Variants in UROD observed in about 807,000 individuals in gnomAD.
UROD encodes the protein uroporphyrinogen decarboxylase.
UROD carries 34 observed loss-of-function variants against 47.1 expected under a neutral mutation model. That is an observed-to-expected ratio of 0.72 (90% CI 0.55 to 0.96). The LOEUF (loss-of-function observed/expected upper bound fraction) is 0.96. Among genes scored for constraint, UROD ranks in the 40% least tolerant of loss-of-function variants. The pLI, the probability that UROD is intolerant of heterozygous loss-of-function variation, is 0.00. For missense variants in UROD, 381 were observed against 471.8 expected (o/e 0.81, Z 1.78); for synonymous variants, 148 against 175.8 (o/e 0.84, Z 1.25).
At chr1:45,014,882 G>A (rs1473027265) in intron 8 of UROD, 46 bp downstream of exon 8, 1 of 1,614,198 alleles carries the variant, frequency 6.2e-7, no homozygotes. Flanking sequence ...TGGGGGTGTT[G>A]GCTGGGGGAG....
In UROD at chr1:45,014,886, G is replaced by T. The variant is rs758967174; in HGVS notation, c.875+50G>T. On this transcript the variant is annotated intron_variant, in intron 8 of 9. Coordinates refer to ENST00000246337, the MANE Select transcript of UROD (RefSeq NM_000374.5). ...TGAGGTTGAGGTGGGGGTGTTGGCT[G>T]GGGGAGCTGCCATGTATGCAGTTAC... The T allele has an allele frequency of 1.9e-6, 3 of 1,614,162 alleles. No homozygotes were observed. The East Asian group carries it at 6.7e-5, about 36-fold the overall frequency.
chr1:45,013,465 A>G lies in UROD; in HGVS notation c.276+111A>G. 6.2e-7 allele frequency: 1 copy of G among 1,605,636 alleles called. No individual in the cohort carries two copies. The highest frequency in any genetic ancestry group is 8.5e-7 in the Non-Finnish European group (1 of 1,172,734). On this transcript the variant is annotated intron_variant, in intron 4 of 9. Coordinates refer to ENST00000246337, the MANE Select transcript of UROD (RefSeq NM_000374.5). The surrounding 1 kb of genome is among the most constrained non-coding windows in gnomAD (Gnocchi z 4.2). ...ACTTATCCTAACTGGATCGAGGGAAAAACTAAGGTTGAAAGAAATGGAGTT... is the reference window on the plus strand; with the variant it reads ...ACTTATCCTAACTGGATCGAGGGAAGAACTAAGGTTGAAAGAAATGGAGTT...
At chr1:45,015,175 A>C in intron 9 of UROD, 162 bp from the exon 10 acceptor site, 1 of 1,417,824 alleles carries the variant, frequency 7.1e-7, no homozygotes, top group Non-Finnish European at 9.7e-7. Flanking sequence ...ATTTGTGTTT[A>C]TGCTTCATGC....
intron 7 of UROD, 68 bp downstream of exon 7, chr1:45,014,644 G>C (rs914520533): frequency 7.4e-6 from 12 of 1,613,408 alleles, no homozygotes; most frequent in East Asian, 4.5e-5. Flanking sequence ...TGCATGGACT[G>C]GAGTGACCAC....
intron 1 of UROD, 25 bp downstream of exon 1, chr1:45,012,310 T>A (rs1481598769): frequency 1.9e-6 from 3 of 1,614,124 alleles, no homozygotes; most frequent in Non-Finnish European, 2.5e-6. Context: ...GCACGCGGTG[T>A]GGCTAGCCGG....
chr1:45,013,201 G>T lies in UROD; in HGVS notation c.199G>T (p.Glu67Ter), dbSNP rs763086647. 7.4e-6 allele frequency: 12 copies of T among 1,614,194 alleles called. No homozygotes were observed. In the Admixed American group the frequency reaches 2.0e-4, roughly 27 times the overall value. ...STCRSPEACCELTLQPLRRFP... is the reference protein window; with the variant it reads ...STCRSPEACC Reference sequence around the variant, plus strand: ...GTGTCGCTCTCCTGAGGCCTGCTGTGAACTGACTCTGCAGGTGAGGGGTCC... The same window carrying T: ...GTGTCGCTCTCCTGAGGCCTGCTGTTAACTGACTCTGCAGGTGAGGGGTCC... Residue 67 changes from glutamate to a stop codon, truncating the protein, a stop_gained, in exon 3 of 10, where the codon GAA becomes TAA. Transcript: ENST00000246337. LOFTEE classifies it high-confidence loss of function. The surrounding 1 kb of genome is among the most constrained non-coding windows in gnomAD (Gnocchi z 4.2).
In UROD at chr1:45,014,053, G is replaced by A. The variant is rs1433611129; in HGVS notation, c.619G>A (p.Val207Met). 4 of 1,614,144 alleles carry A rather than the reference G, an allele frequency of 2.5e-6. No homozygotes were observed. The African/African-American group carries it at 5.3e-5, about 22-fold the overall frequency. ...TCTGGTCCCATATCTGGTAGGACAA[G>A]TGGTGGCTGGTGCCCAGGTGAGTCC... ...DALVPYLVGQ[V>M]VAGAQALQLF... The change falls in exon 6 of 10, where the codon GTG (valine) becomes ATG (methionine). Residue 207 changes from valine to methionine, a missense_variant. Coordinates refer to ENST00000246337, the MANE Select transcript of UROD (RefSeq NM_000374.5).
chr1:45,013,899 C>T lies in UROD; in HGVS notation c.475-10C>T, dbSNP rs762459869. On this transcript the variant is annotated splice_polypyrimidine_tract_variant and intron_variant, in intron 5 of 9. Coordinates refer to ENST00000246337, the MANE Select transcript of UROD (RefSeq NM_000374.5). The surrounding 1 kb of genome is among the most constrained non-coding windows in gnomAD (Gnocchi z 4.2). Reference sequence around the variant, plus strand: ...GGCTTCTGTGACACCATCTTTCTATCCTTCTCTAGTGGACCCTGATGACAT... The same window carrying T: ...GGCTTCTGTGACACCATCTTTCTATTCTTCTCTAGTGGACCCTGATGACAT... 1.2e-6 allele frequency: 2 copies of T among 1,614,210 alleles called. No homozygotes were observed. Among genetic ancestry groups the T allele is most frequent in the East Asian group, 2.2e-5 (1 of 44,888 alleles).
intron 6 of UROD, 177 bp downstream of exon 6, chr1:45,014,247 C>A (rs1230456805): frequency 7.8e-7 from 1 of 1,286,652 alleles, no homozygotes. Flanking sequence ...GCTTAATGCT[C>A]TAAGTATTCA....
At chr1:45,014,143 TGA>T in intron 6 of UROD, 73 bp downstream of exon 6, 1 of 1,606,786 alleles carries the variant, frequency 6.2e-7, no homozygotes. Flanking sequence ...GTCCTAAACC[TGA>T]GAGGGCAGGG....
chr1:45,015,161 G>A (rs1469403676), intron 9 of UROD, 155 bp downstream of exon 9: 2 of 1,428,296 alleles, frequency 1.4e-6, no homozygotes, highest in East Asian at 4.9e-5. Flanking sequence ...TGTTGCTGTT[G>A]TTCATTTGTG....
chr1:45,014,631 T>A, intron 7 of UROD, 55 bp downstream of exon 7: 1 of 1,613,860 alleles, frequency 6.2e-7, no homozygotes, highest in East Asian at 2.2e-5. Flanking sequence ...TCAGGCTAAG[T>A]CCTGCATGGA....
Position 45,012,912 on chromosome 1 carries a change from AG to A in UROD, c.29del (p.Gly10ValfsTer5), listed in dbSNP as rs776502697. On this transcript the variant is annotated frameshift_variant, in exon 2 of 10. Transcript: ENST00000246337. LOFTEE classifies it high-confidence loss of function. ...CACCCCCACCTGATCGCCAGACCTC[AG>A]GGTTTTCCGGAGCTGAAGAATGACA... MEANGLGP[Q>X]GFPELKNDTF... is the part of the protein sequence containing the mutation. The A allele has an allele frequency of 1.2e-6, 2 of 1,612,072 alleles. No individual in the cohort carries two copies. The highest frequency in any genetic ancestry group is 1.3e-5 in the African/African-American group (1 of 74,200).
chr1:45,014,603 G>C, intron 7 of UROD, 27 bp downstream of exon 7: 1 of 1,614,108 alleles, frequency 6.2e-7, no homozygotes, highest in African/African-American at 1.3e-5. Context: ...GTTGAGTGAA[G>C]GTGGTCCTGT....
rs777574846 is a variant in UROD, at chr1:45,015,022, CCTCT to C, written c.942+17_942+20del. The C allele has an allele frequency of 3.1e-6, 5 of 1,612,856 alleles. No homozygotes were observed. The African/African-American group carries it at 5.3e-5, about 17-fold the overall frequency. On this transcript the variant is annotated intron_variant, in intron 9 of 9. Transcript: ENST00000246337. ...TGCATCTGAGGTAACAGCCAGGGCCCCTCTGTGTGTCTGTTACTGTGCACTCCTG... is the reference window on the plus strand; with the variant it reads ...TGCATCTGAGGTAACAGCCAGGGCCCGTGTGTCTGTTACTGTGCACTCCTG...
At chr1:45,015,139 G>GT in intron 9 of UROD, 133 bp downstream of exon 9, 2 of 1,500,992 alleles carry the variant, frequency 1.3e-6, no homozygotes, top group African/African-American at 2.8e-5. Flanking sequence ...GCCCTAGAAA[G>GT]ACCGGACTTT....
At position 45,013,272 on chromosome 1, in the gene UROD, C is replaced by A. The variant is rs777477131; in HGVS notation, c.214-20C>A. On this transcript the variant is annotated intron_variant, in intron 3 of 9. Transcript: ENST00000246337. This position sits in a 1 kb window ranked among gnomAD's most constrained non-coding sequence, Gnocchi z 4.2. The stretch of plus-strand genomic sequence containing the variant: ...TGCCTTCAGTCTGCCACCTAGCAAC[C>A]TGTCTCCTGTTTCCTACAGCCACTG... The A allele has an allele frequency of 1.2e-6, 2 of 1,614,106 alleles. No homozygotes were observed. The highest frequency in any genetic ancestry group is 2.2e-5 in the East Asian group (1 of 44,894).
chr1:45,014,203 G>A (rs1468307881), intron 6 of UROD, 133 bp downstream of exon 6: 8 of 1,391,914 alleles, frequency 5.7e-6, no homozygotes, highest in Non-Finnish European at 8.1e-6. Flanking sequence ...TGATCTAGCG[G>A]AGCAGCCAAG....
At position 45,013,250 on chromosome 1, in the gene UROD, C is replaced by G. The variant is rs1208908696; in HGVS notation, c.213+35C>G. ...CCACAAAAGAGGGAAAGATTTATGC[C>G]TTCAGTCTGCCACCTAGCAACCTGT... On this transcript the variant is annotated intron_variant, in intron 3 of 9. Coordinates refer to ENST00000246337, the MANE Select transcript of UROD (RefSeq NM_000374.5). This position sits in a 1 kb window ranked among gnomAD's most constrained non-coding sequence, Gnocchi z 4.2. 4 of 1,614,172 alleles carry G rather than the reference C, an allele frequency of 2.5e-6. No homozygotes were observed. Among genetic ancestry groups the G allele is most frequent in the East Asian group, 2.2e-5 (1 of 44,880 alleles).
Sources: allele counts gnomAD v4.1 joint callset, GRCh38; gene constraint gnomAD v4.1.1; non-coding constraint Gnocchi (gnomAD v3.1); transcripts MANE v1.5; gene names NCBI Gene and HGNC (gene_info 2026-07-23, HGNC 2026-07-21).